Variants in CSTPP1 observed in about 807,000 individuals in gnomAD.
The protein encoded by CSTPP1 is centriolar satellite-associated tubulin polyglutamylase complex regulator 1.
the CSTPP1 span, among the ~76,000 whole-genome samples, chr11:47,148,465 C>G: frequency 1.3e-5 from 2 of 152,200 alleles, no homozygotes; most frequent in East Asian, 3.9e-4. Context: ...ATGACTGACA[C>G]TAGTCATGTG....
the CSTPP1 span, among the ~76,000 whole-genome samples, chr11:46,939,676 G>GA: frequency 0.13 from 12,406 of 97,928 alleles, 740 homozygotes; most frequent in Non-Finnish European, 0.18. Context: ...AGATAGATAG[G>GA]TAGATGTTTT....
At chr11:47,083,117 A>C in the CSTPP1 span, among the ~76,000 whole-genome samples, 2 of 151,294 alleles carry the variant, frequency 1.3e-5, no homozygotes, top group East Asian at 3.9e-4. Flanking sequence ...TCCCACTTAT[A>C]AATGAGAACA....
At chr11:47,047,599 A>C in the CSTPP1 span, among the ~76,000 whole-genome samples, 1 of 152,210 alleles carries the variant, frequency 6.6e-6, no homozygotes, top group Non-Finnish European at 1.5e-5. Context: ...CATAACATTA[A>C]ATTTAGCAAT....
chr11:47,037,455 A>G, the CSTPP1 span, among the ~76,000 whole-genome samples: 1 of 118,186 alleles, frequency 8.5e-6, no homozygotes, highest in Non-Finnish European at 2.0e-5. Context: ...GCAGGGTCAC[A>G]GGACAATAGT....
the CSTPP1 span, among the ~76,000 whole-genome samples, chr11:47,051,581 T>C: frequency 6.6e-6 from 1 of 152,130 alleles, no homozygotes. Context: ...CAGAGAGATA[T>C]ATAAAACCAC....
chr11:47,122,091 A>AAATAT, the CSTPP1 span, among the ~76,000 whole-genome samples: 39 of 31,846 alleles, frequency 1.2e-3, 2 homozygotes, highest in Admixed American at 3.9e-3. Context: ...AAAAAAAAAA[A>AAATAT]ATATATATAT....
At chr11:47,029,899 A>T in the CSTPP1 span, among the ~76,000 whole-genome samples, 5,795 of 150,056 alleles carry the variant, frequency 0.039, 346 homozygotes, top group African/African-American at 0.13. Context: ...GGAGTTCAAG[A>T]CCAGCCTGGG....
the CSTPP1 span, chr11:47,041,467 G>T: frequency 3.3e-6 from 1 of 307,228 alleles, no homozygotes. Flanking sequence ...ATGTCTGTAA[G>T]ATAAAGGGGC....
At chr11:47,106,670 TGAAA>T in the CSTPP1 span, among the ~76,000 whole-genome samples, 1 of 149,710 alleles carries the variant, frequency 6.7e-6, no homozygotes, top group Non-Finnish European at 1.5e-5. Flanking sequence ...GAAAAGAACA[TGAAA>T]GAAAGAAAGA....
the CSTPP1 span, among the ~76,000 whole-genome samples, chr11:47,131,964 G>A: frequency 6.6e-6 from 1 of 151,640 alleles, no homozygotes; most frequent in South Asian, 2.1e-4. Flanking sequence ...GTGACAGAGT[G>A]AGACTCTGTT....
At chr11:47,139,207 T>G in the CSTPP1 span, among the ~76,000 whole-genome samples, 1 of 152,120 alleles carries the variant, frequency 6.6e-6, no homozygotes, top group African/African-American at 2.4e-5. Flanking sequence ...GTGGGGAGCC[T>G]CCGGCTCTGA....
At chr11:47,161,554 T>C in the CSTPP1 span, 3 of 1,614,120 alleles carry the variant, frequency 1.9e-6, no homozygotes, top group Non-Finnish European at 2.5e-6. Flanking sequence ...GGGTTGGCTC[T>C]CCCTGGAGAC....
chr11:47,126,560 G>A, the CSTPP1 span, among the ~76,000 whole-genome samples: 1 of 152,152 alleles, frequency 6.6e-6, no homozygotes, highest in Non-Finnish European at 1.5e-5. Flanking sequence ...TGAACCCAAG[G>A]AATTCCAGGC....
the CSTPP1 span, among the ~76,000 whole-genome samples, chr11:47,087,507 TGAC>T: frequency 6.6e-6 from 1 of 152,214 alleles, no homozygotes; most frequent in Non-Finnish European, 1.5e-5. Flanking sequence ...GAGGCCATCC[TGAC>T]CAATATGGTG....
the CSTPP1 span, among the ~76,000 whole-genome samples, chr11:47,132,414 T>G: frequency 6.6e-6 from 1 of 152,258 alleles, no homozygotes. Flanking sequence ...AATCAGTTAA[T>G]AATTATAAAA....
the CSTPP1 span, among the ~76,000 whole-genome samples, chr11:47,012,363 C>T: frequency 6.6e-6 from 1 of 152,034 alleles, no homozygotes; most frequent in Admixed American, 6.6e-5. Context: ...TTTCTATTGC[C>T]ATTGCTATTT....
At chr11:47,095,524 T>C in the CSTPP1 span, among the ~76,000 whole-genome samples, 1 of 152,212 alleles carries the variant, frequency 6.6e-6, no homozygotes, top group Non-Finnish European at 1.5e-5. Flanking sequence ...TGTTGTAATA[T>C]ATGTTTTAGC....
chr11:46,948,848 C>A, the CSTPP1 span, among the ~76,000 whole-genome samples: 12 of 152,246 alleles, frequency 7.9e-5, no homozygotes, highest in Admixed American at 6.5e-4. Flanking sequence ...TTTTGGAATG[C>A]GATGCATTGA....
chr11:47,009,753 A>T, the CSTPP1 span, among the ~76,000 whole-genome samples: 1 of 152,018 alleles, frequency 6.6e-6, no homozygotes, highest in African/African-American at 2.4e-5. Flanking sequence ...GGTTGCAGTG[A>T]CCCAAGATCG....
Sources: gnomAD v4.1 joint callset for allele counts (sites outside exome capture counted in the v4.1 genomes callset) on GRCh38, gnomAD v4.1.1 for gene constraint, MANE v1.5 for transcripts, NCBI Gene and HGNC (gene_info 2026-07-23, HGNC 2026-07-21) for gene names.